DLGAP4: variants seen among roughly 807,000 people sequenced by gnomAD.
The protein encoded by DLGAP4 is disks large-associated protein 4.
In DLGAP4, 18 loss-of-function variants were observed where a neutral mutation model predicts 86.9. The ratio of observed to expected loss-of-function variants is 0.21; its 90% CI spans 0.14 to 0.31. The LOEUF is 0.31. Among genes scored for constraint, DLGAP4 ranks in the 10% least tolerant of loss-of-function variants. The pLI, the probability that DLGAP4 is intolerant of heterozygous loss-of-function variation, is 1.00. For missense variants in DLGAP4, 1,085 were observed against 1,362.6 expected, an observed-to-expected ratio of 0.80 and a Z score of 3.21; for synonymous variants, 548 against 574.3, an observed-to-expected ratio of 0.95 and a Z score of 0.65.
At chr20:36,511,710 A>G (rs542653601) in intron 10 of DLGAP4, among the ~76,000 whole-genome samples, 50 of 151,868 alleles carry the variant, frequency 3.3e-4, no homozygotes, top group African/African-American at 8.2e-4. Flanking sequence ...CCCCATCTCT[A>G]CTAAAAATAC....
chr20:36,461,605 G>T, intron 7 of DLGAP4: 3 of 953,790 alleles, frequency 3.1e-6, no homozygotes, highest in Non-Finnish European at 3.7e-6. Flanking sequence ...GGACGCCCGG[G>T]GCCCGCCCAG....
At chr20:36,487,363 A>G (rs2035462440) in intron 7 of DLGAP4, among the ~76,000 whole-genome samples, 1 of 152,180 alleles carries the variant, frequency 6.6e-6, no homozygotes, top group African/African-American at 2.4e-5. Context: ...CTGTAAAATT[A>G]TCTGCCCATG....
intron 7 of DLGAP4, among the ~76,000 whole-genome samples, chr20:36,490,093 G>T (rs553042241): frequency 6.6e-6 from 1 of 152,060 alleles, no homozygotes; most frequent in East Asian, 1.9e-4. Context: ...CCTGACCTCA[G>T]ATGATCCACC....
At chr20:36,462,487 C>T (rs1488835131) in intron 7 of DLGAP4, 4 of 1,589,476 alleles carry the variant, frequency 2.5e-6, no homozygotes, top group Non-Finnish European at 3.4e-6. Context: ...CCCCCTGTCT[C>T]CCCTTCTCTC....
chr20:36,397,526 T>C (rs535915209), intron 2 of DLGAP4, among the ~76,000 whole-genome samples: 1 of 152,244 alleles, frequency 6.6e-6, no homozygotes, highest in African/African-American at 2.4e-5. Context: ...TTCTAACTTT[T>C]GGAGTTGTTT....
chr20:36,373,294 T>A (rs2031015598), intron 2 of DLGAP4, among the ~76,000 whole-genome samples: 1 of 152,228 alleles, frequency 6.6e-6, no homozygotes, highest in South Asian at 2.1e-4. Context: ...CACCAGGACT[T>A]GATTTCTGTT....
rs1278058040 is a variant in DLGAP4, at chr20:36,416,364, CA to C, written c.-72-15281del. On this transcript the variant is annotated intron_variant, in intron 2 of 12. Coordinates refer to ENST00000339266, the MANE Select transcript of DLGAP4 (RefSeq NM_001365621.2). ...CTCGAACTCCTGACCTCAAGAGACC[CA>C]CCTGCCTTGGCCTCCCAAAGTACTG... Among the ~76,000 whole-genome samples, 7 of 152,356 alleles carry C rather than the reference CA, an allele frequency of 4.6e-5. No homozygotes were observed. The East Asian group carries it at 1.4e-3, about 29-fold the overall frequency.
chr20:36,451,159 C>T (rs2033725503), intron 7 of DLGAP4, among the ~76,000 whole-genome samples: 1 of 152,204 alleles, frequency 6.6e-6, no homozygotes, highest in African/African-American at 2.4e-5. Context: ...ATGCACCTAC[C>T]TCAAACATTT....
At chr20:36,317,169 C>G (rs905785620) in intron 1 of DLGAP4, among the ~76,000 whole-genome samples, 1 of 151,868 alleles carries the variant, frequency 6.6e-6, no homozygotes, top group African/African-American at 2.4e-5. Context: ...CCTTTCTCTC[C>G]TTCCTTCCTT....
chr20:36,335,675 G>A (rs1218927584), intron 1 of DLGAP4, among the ~76,000 whole-genome samples: 4 of 152,108 alleles, frequency 2.6e-5, no homozygotes, highest in Non-Finnish European at 4.4e-5. Context: ...TCTTGTTCCC[G>A]AACGTGCAGG....
At position 36,446,945 on chromosome 20, in the gene DLGAP4, C is replaced by CT. The variant is rs1569502712; in HGVS notation, c.1648+9dup. 1 of 1,598,814 alleles carries CT rather than the reference C, an allele frequency of 6.3e-7. No individual in the cohort carries two copies. Among genetic ancestry groups the CT allele is most frequent in the East Asian group, 2.2e-5 (1 of 44,460 alleles). On this transcript the variant is annotated intron_variant, in intron 7 of 12. Transcript: ENST00000339266. Reference sequence around the variant, plus strand: ...ATAGTCGCACGCTTCCGAGTGAGTACTGTGATGAGGGAAGGGGTTTTTTTT... The same window carrying CT: ...ATAGTCGCACGCTTCCGAGTGAGTACTTGTGATGAGGGAAGGGGTTTTTTTT...
At chr20:36,475,504 C>T (rs1053502846) in intron 7 of DLGAP4, among the ~76,000 whole-genome samples, 1 of 152,148 alleles carries the variant, frequency 6.6e-6, no homozygotes, top group Admixed American at 6.5e-5. Context: ...CCACCAAGCC[C>T]GGCTCTCCAT....
chr20:36,413,588 TG>T (rs1207296424), intron 2 of DLGAP4, among the ~76,000 whole-genome samples: 1 of 151,252 alleles, frequency 6.6e-6, no homozygotes, highest in African/African-American at 2.4e-5. Flanking sequence ...GCTAATTTTT[TG>T]TTTTTTTTTT....
At chr20:36,483,274 A>G (rs934673643) in intron 7 of DLGAP4, among the ~76,000 whole-genome samples, 1 of 152,204 alleles carries the variant, frequency 6.6e-6, no homozygotes, top group African/African-American at 2.4e-5. Flanking sequence ...CAGAAACTAC[A>G]TGCTATTTGG....
intron 2 of DLGAP4, among the ~76,000 whole-genome samples, chr20:36,415,745 A>G (rs902327527): frequency 2.0e-5 from 3 of 152,110 alleles, no homozygotes; most frequent in African/African-American, 7.2e-5. Context: ...CCATACACAC[A>G]CATACACTAT....
At chr20:36,493,584 C>G (rs1398162135) in intron 7 of DLGAP4, among the ~76,000 whole-genome samples, 1 of 152,158 alleles carries the variant, frequency 6.6e-6, no homozygotes. Context: ...TTGTTGTGCC[C>G]CTGCAGACTG....
At chr20:36,322,406 G>A (rs528246290) in intron 1 of DLGAP4, among the ~76,000 whole-genome samples, 2 of 152,240 alleles carry the variant, frequency 1.3e-5, no homozygotes, top group East Asian at 1.9e-4. Context: ...GGGTTGTGGC[G>A]CCAGAAGGTC....
chr20:36,430,135 A>G lies in DLGAP4; in HGVS notation c.-72-1511A>G, dbSNP rs1007077480. Among the ~76,000 whole-genome samples the G allele has an allele frequency of 3.3e-5, 5 of 152,334 alleles. No homozygotes were observed. The South Asian group carries it at 8.3e-4, about 25-fold the overall frequency. On this transcript the variant is annotated intron_variant, in intron 2 of 12. Coordinates refer to ENST00000339266, the MANE Select transcript of DLGAP4 (RefSeq NM_001365621.2). ...GCTCAGAAAAGGAAGGGACTTACCT[A>G]AGTTTTGGACTAGTATTTCCAGGAT...
chr20:36,346,285 G>A (rs1257350359), intron 1 of DLGAP4, among the ~76,000 whole-genome samples: 6 of 152,222 alleles, frequency 3.9e-5, no homozygotes, highest in African/African-American at 1.4e-4. Context: ...AGGGGGTTCA[G>A]TGAAGAACTG....
Sources: allele counts gnomAD v4.1 joint callset (sites outside exome capture counted in the v4.1 genomes callset), GRCh38; gene constraint gnomAD v4.1.1; transcripts MANE v1.5; gene names NCBI Gene and HGNC (gene_info 2026-07-23, HGNC 2026-07-21).